The following VWC2L variants were observed in gnomAD, a reference collection of about 807,000 sequenced individuals.
VWC2L encodes the protein von Willebrand factor C domain containing 2 like.
In VWC2L, 10 loss-of-function variants were observed where a neutral mutation model predicts 21.6. The ratio of observed to expected loss-of-function variants is 0.46; its 90% CI spans 0.29 to 0.78. The LOEUF (loss-of-function observed/expected upper bound fraction) is 0.78, where lower values mean the gene tolerates loss of function less well. Among genes scored for constraint, VWC2L ranks in the 30% least tolerant of loss-of-function variants. The pLI is 0.10. For synonymous variants in VWC2L, 96 were observed against 94.3 expected, an observed-to-expected ratio of 1.02 and a Z score of -0.10; for missense variants, 209 against 277.1, an observed-to-expected ratio of 0.75 and a Z score of 1.74.
intron 3 of VWC2L, among the ~76,000 whole-genome samples, chr2:214,447,624 G>A (rs989767089): frequency 6.6e-6 from 1 of 152,138 alleles, no homozygotes; most frequent in Non-Finnish European, 1.5e-5. Context: ...AAACAAAGCT[G>A]TGGTGTGTTC....
chr2:214,439,386 A>G (rs767150514), intron 3 of VWC2L, among the ~76,000 whole-genome samples: 1 of 152,042 alleles, frequency 6.6e-6, no homozygotes, highest in Non-Finnish European at 1.5e-5. Context: ...TATGCCCATT[A>G]TAGTATAAAC....
At chr2:214,518,002 T>G (rs1056917775) in intron 3 of VWC2L, among the ~76,000 whole-genome samples, 2 of 152,122 alleles carry the variant, frequency 1.3e-5, no homozygotes, top group African/African-American at 4.8e-5. Context: ...CCGTCTCTAC[T>G]AAAAATACAA....
At chr2:214,441,910 A>C (rs1236958611) in intron 3 of VWC2L, among the ~76,000 whole-genome samples, 1 of 151,334 alleles carries the variant, frequency 6.6e-6, no homozygotes, top group Non-Finnish European at 1.5e-5. Flanking sequence ...ATTTTAAATA[A>C]GATACCTTTT....
chr2:214,567,851 T>C (rs531430343), intron 3 of VWC2L, among the ~76,000 whole-genome samples: 16 of 152,188 alleles, frequency 1.1e-4, no homozygotes, highest in Admixed American at 6.5e-4. Context: ...GAAAAAATAA[T>C]ACTCATGAGG....
At chr2:214,542,981 C>G (rs1269716416) in intron 3 of VWC2L, among the ~76,000 whole-genome samples, 2 of 152,138 alleles carry the variant, frequency 1.3e-5, no homozygotes. Flanking sequence ...ACTATGAGAA[C>G]AGTTTCTGAT....
At chr2:214,539,157 T>C (rs1318097373) in intron 3 of VWC2L, among the ~76,000 whole-genome samples, 1 of 152,134 alleles carries the variant, frequency 6.6e-6, no homozygotes, top group Non-Finnish European at 1.5e-5. Context: ...GTTTGGAGAC[T>C]ACTGCACTTG....
At chr2:214,502,579 C>CA (rs35504058) in intron 3 of VWC2L, among the ~76,000 whole-genome samples, 56,405 of 151,572 alleles carry the variant, frequency 0.37, 11,634 homozygotes, top group South Asian at 0.48. Flanking sequence ...CAAAAACAAA[C>CA]AAAAAAAAGT....
intron 3 of VWC2L, among the ~76,000 whole-genome samples, chr2:214,555,317 C>T (rs1323368618): frequency 6.6e-6 from 1 of 152,132 alleles, no homozygotes; most frequent in Non-Finnish European, 1.5e-5. Flanking sequence ...TGTATAAAAT[C>T]CAGCTGTAAT....
intron 3 of VWC2L, among the ~76,000 whole-genome samples, chr2:214,511,919 TACACACACAC>T (rs67983945): frequency 4.8e-5 from 7 of 145,366 alleles, no homozygotes; most frequent in South Asian, 2.2e-4. Context: ...TATATACATA[TACACACACAC>T]ACACACACAC....
At chr2:214,533,347 C>G (rs994430329) in intron 3 of VWC2L, among the ~76,000 whole-genome samples, 2 of 151,956 alleles carry the variant, frequency 1.3e-5, no homozygotes, top group African/African-American at 4.8e-5. Flanking sequence ...ATTGAACAAG[C>G]CTGCAGCTGT....
chr2:214,416,568 G>C (rs1021152938), intron 2 of VWC2L, among the ~76,000 whole-genome samples: 4 of 151,944 alleles, frequency 2.6e-5, no homozygotes, highest in African/African-American at 9.7e-5. Context: ...GACCAAAAAA[G>C]TATAAATTAC....
chr2:214,429,278 A>G (rs1433523835), intron 2 of VWC2L, among the ~76,000 whole-genome samples: 3 of 152,228 alleles, frequency 2.0e-5, no homozygotes, highest in African/African-American at 2.4e-5. Context: ...TTCTGCTTAC[A>G]GTACTCAGTT....
chr2:214,507,788 C>T (rs1207697487), intron 3 of VWC2L, among the ~76,000 whole-genome samples: 4 of 152,168 alleles, frequency 2.6e-5, no homozygotes, highest in Non-Finnish European at 4.4e-5. Context: ...CTCAAGCAGG[C>T]TCTGTTTTCC....
chr2:214,507,303 T>C (rs1056126499), intron 3 of VWC2L, among the ~76,000 whole-genome samples: 6 of 152,234 alleles, frequency 3.9e-5, no homozygotes, highest in African/African-American at 1.4e-4. Context: ...GTTTAATTTC[T>C]AATTGAACTT....
At chr2:214,446,098 C>T (rs1257089291) in intron 3 of VWC2L, among the ~76,000 whole-genome samples, 1 of 152,152 alleles carries the variant, frequency 6.6e-6, no homozygotes, top group Non-Finnish European at 1.5e-5. Flanking sequence ...AATTGTCCAC[C>T]TTAATTTAAT....
chr2:214,515,800 C>G (rs4549089), intron 3 of VWC2L, among the ~76,000 whole-genome samples: 62,346 of 151,968 alleles, frequency 0.41, 13,437 homozygotes, highest in East Asian at 0.73. Flanking sequence ...GGTGATCCAC[C>G]CATCTCGGCC....
In VWC2L at chr2:214,480,403, T is replaced by A. The variant is rs963870109; in HGVS notation, c.520+43645T>A. Among the ~76,000 whole-genome samples the A allele has an allele frequency of 4.6e-5, 7 of 152,206 alleles. No homozygotes were observed. In the East Asian group the frequency reaches 1.3e-3, roughly 29 times the overall value. On this transcript the variant is annotated intron_variant, in intron 3 of 3. Transcript: ENST00000312504. Reference sequence around the variant, plus strand: ...TATTGGAAGATGAATGGACAATTACTTGATATGGATTCAATACATTCAGAA... The same window carrying A: ...TATTGGAAGATGAATGGACAATTACATGATATGGATTCAATACATTCAGAA...
At chr2:214,526,545 AAG>A (rs1689341334) in intron 3 of VWC2L, among the ~76,000 whole-genome samples, 1 of 152,266 alleles carries the variant, frequency 6.6e-6, no homozygotes, top group Non-Finnish European at 1.5e-5. Flanking sequence ...CACAAAATAT[AAG>A]AGGATTCAAA....
At chr2:214,570,023 A>G (rs1690126895) in intron 3 of VWC2L, among the ~76,000 whole-genome samples, 1 of 152,176 alleles carries the variant, frequency 6.6e-6, no homozygotes, top group Non-Finnish European at 1.5e-5. Context: ...AATATGACAG[A>G]GACCCTTCAA....
Sources: allele counts gnomAD v4.1 joint callset (sites outside exome capture counted in the v4.1 genomes callset), GRCh38; gene constraint gnomAD v4.1.1; transcripts MANE v1.5; gene names NCBI Gene and HGNC (gene_info 2026-07-23, HGNC 2026-07-21).